Variants in SLC44A5 observed in about 807,000 individuals in gnomAD.
The protein encoded by SLC44A5 is solute carrier family 44 member 5.
Under a neutral mutation model 101.8 loss-of-function variants are expected in SLC44A5, and 57 were observed. The observed-to-expected ratio is 0.56, with a 90% CI of 0.45 to 0.70. SLC44A5 has a LOEUF of 0.70. SLC44A5 is among the 30% of genes least tolerant of loss of function. SLC44A5 has a pLI of 0.00. For missense variants in SLC44A5, 737 were observed against 853.1 expected, an observed-to-expected ratio of 0.86 and a Z score of 1.70; for synonymous variants, 281 against 290.9, an observed-to-expected ratio of 0.97 and a Z score of 0.35.
chr1:75,230,443 G>T (rs1025490778), intron 12 of SLC44A5, among the ~76,000 whole-genome samples: 1 of 151,572 alleles, frequency 6.6e-6, no homozygotes, highest in East Asian at 2.0e-4. Context: ...CAGAGACGGG[G>T]TTTCACCATG....
At chr1:75,640,580 CCT>C in the SLC44A5 span, among the ~76,000 whole-genome samples, 2 of 151,912 alleles carry the variant, frequency 1.3e-5, no homozygotes, top group African/African-American at 4.8e-5. Context: ...AGTGATTCTA[CCT>C]CTCATTCTCT....
At chr1:75,259,801 C>T (rs147777596) in intron 6 of SLC44A5, among the ~76,000 whole-genome samples, 6,127 of 152,206 alleles carry the variant, frequency 0.04, 168 homozygotes, top group Middle Eastern at 0.12. Context: ...TTACCCACAA[C>T]GGGAAGCCCA....
At chr1:75,401,116 C>A (rs1662449175) in intron 2 of SLC44A5, among the ~76,000 whole-genome samples, 1 of 152,172 alleles carries the variant, frequency 6.6e-6, no homozygotes, top group Non-Finnish European at 1.5e-5. Flanking sequence ...AGAGCTGATG[C>A]CAAGTCTGCA....
chr1:75,646,485 G>A, the SLC44A5 span, among the ~76,000 whole-genome samples: 1 of 152,146 alleles, frequency 6.6e-6, no homozygotes, highest in Non-Finnish European at 1.5e-5. Context: ...AGGGAAGCCT[G>A]TGTATTTCTA....
At chr1:75,278,293 T>C (rs1273534868) in intron 5 of SLC44A5, among the ~76,000 whole-genome samples, 2 of 152,102 alleles carry the variant, frequency 1.3e-5, no homozygotes, top group Non-Finnish European at 2.9e-5. Flanking sequence ...CTCTTAAATG[T>C]AGCTATCAGA....
the SLC44A5 span, among the ~76,000 whole-genome samples, chr1:75,687,156 A>G: frequency 6.6e-6 from 1 of 152,108 alleles, no homozygotes; most frequent in South Asian, 2.1e-4. Flanking sequence ...ATCTGGTGCT[A>G]AATTTGACCT....
At chr1:75,310,515 G>T (rs1655215553) in intron 4 of SLC44A5, among the ~76,000 whole-genome samples, 1 of 152,152 alleles carries the variant, frequency 6.6e-6, no homozygotes, top group African/African-American at 2.4e-5. Context: ...CTTTAAAAAA[G>T]TGTTTTGCTT....
At chr1:75,541,208 T>C (rs1171482037) in intron 2 of SLC44A5, among the ~76,000 whole-genome samples, 4 of 152,114 alleles carry the variant, frequency 2.6e-5, no homozygotes, top group Non-Finnish European at 5.9e-5. Flanking sequence ...ATCACTGCTA[T>C]AGGGAGTCCA....
rs201482394 is a variant in SLC44A5, at chr1:75,336,400, G to A, written c.101+3182C>T. ...AACTTCTGGCCTCAACTGATCTGCC[G>A]GCCTCAGCCTCCCAAAGTTCTGGGA... On this transcript the variant is annotated intron_variant, in intron 4 of 23. Transcript: ENST00000370859. 5.3e-5 allele frequency among the ~76,000 whole-genome samples: 8 copies of A among 152,100 alleles called. No individual in the cohort carries two copies. The East Asian group carries it at 5.8e-4, about 11-fold the overall frequency.
At chr1:75,536,866 C>T (rs1438007482) in intron 2 of SLC44A5, among the ~76,000 whole-genome samples, 1 of 140,380 alleles carries the variant, frequency 7.1e-6, no homozygotes, top group African/African-American at 2.6e-5. Flanking sequence ...ATTAGCCGGG[C>T]GTAGTGGCGG....
intron 3 of SLC44A5, among the ~76,000 whole-genome samples, chr1:75,391,725 T>C (rs1661801593): frequency 6.6e-6 from 1 of 152,158 alleles, no homozygotes; most frequent in African/African-American, 2.4e-5. Context: ...ACTTAACTCG[T>C]GATGGATTGA....
intron 2 of SLC44A5, among the ~76,000 whole-genome samples, chr1:75,416,826 G>A (rs112087206): frequency 0.033 from 5,025 of 152,310 alleles, 278 homozygotes; most frequent in African/African-American, 0.12. Context: ...CATGGGGCCT[G>A]TAGCCCCTTT....
At chr1:75,232,805 C>T (rs1647705070) in intron 12 of SLC44A5, among the ~76,000 whole-genome samples, 2 of 152,088 alleles carry the variant, frequency 1.3e-5, no homozygotes, top group African/African-American at 4.8e-5. Flanking sequence ...GTCTTTTAAC[C>T]ACCAACAAAC....
At chr1:75,644,471 T>C in the SLC44A5 span, among the ~76,000 whole-genome samples, 1 of 152,022 alleles carries the variant, frequency 6.6e-6, no homozygotes, top group African/African-American at 2.4e-5. Context: ...AAAGCTAATG[T>C]TTCTAACAAT....
intron 2 of SLC44A5, among the ~76,000 whole-genome samples, chr1:75,479,928 G>A (rs1667721253): frequency 6.6e-6 from 1 of 152,138 alleles, no homozygotes; most frequent in African/African-American, 2.4e-5. Context: ...TGATACCAAA[G>A]CCGGGCAGAG....
intron 2 of SLC44A5, among the ~76,000 whole-genome samples, chr1:75,472,236 G>A (rs1185888087): frequency 6.6e-6 from 1 of 152,042 alleles, no homozygotes; most frequent in Non-Finnish European, 1.5e-5. Context: ...TCATGCAGGG[G>A]AAAGTGTGCC....
chr1:75,388,397 C>T (rs1271200398), intron 3 of SLC44A5, among the ~76,000 whole-genome samples: 2 of 149,908 alleles, frequency 1.3e-5, no homozygotes. Flanking sequence ...TAAAAAATAA[C>T]TACACAATTG....
rs940608705 is a variant in SLC44A5 at position 75,457,228 on chromosome 1, G to A, written c.14-60607C>T. Among the ~76,000 whole-genome samples, 13 of 152,130 alleles carry A rather than the reference G, an allele frequency of 8.5e-5. No homozygotes were observed. In the East Asian group the frequency reaches 2.3e-3, roughly 27 times the overall value. On this transcript the variant is annotated intron_variant, in intron 2 of 23. Transcript: ENST00000370859. Reference sequence around the variant, plus strand: ...TTTAAAGAAAGAAAAGCTTTATCAAGTGCCTACCGTATGCTTGGGACAGTG... The same window carrying A: ...TTTAAAGAAAGAAAAGCTTTATCAAATGCCTACCGTATGCTTGGGACAGTG...
chr1:75,462,799 A>C (rs1936355), intron 2 of SLC44A5, among the ~76,000 whole-genome samples: 35,321 of 151,878 alleles, frequency 0.23, 5,221 homozygotes, highest in East Asian at 0.81. Flanking sequence ...AGAAGAATGA[A>C]TTAGTGAGCT....
Sources: allele counts gnomAD v4.1 joint callset (sites outside exome capture counted in the v4.1 genomes callset), GRCh38; gene constraint gnomAD v4.1.1; transcripts MANE v1.5; gene names NCBI Gene and HGNC (gene_info 2026-07-23, HGNC 2026-07-21).